FHIT: variants seen among roughly 807,000 people sequenced by gnomAD.
The protein encoded by FHIT is fragile histidine triad diadenosine triphosphatase, also known as bis(5'-adenosyl)-triphosphatase.
In FHIT, 19 loss-of-function variants were observed where a neutral mutation model predicts 17.9. That is an observed-to-expected ratio of 1.06 (90% CI 0.74 to 1.56). The LOEUF (loss-of-function observed/expected upper bound fraction) is 1.56, where lower values mean the gene tolerates loss of function less well. Among genes scored for constraint, FHIT ranks in the 40% most tolerant of loss-of-function variants. FHIT has a pLI of 0.00. For synonymous variants in FHIT, 81 were observed against 69.7 expected, an observed-to-expected ratio of 1.16 and a Z score of -0.81; for missense variants, 248 against 189.2, an observed-to-expected ratio of 1.31 and a Z score of -1.82.
intron 3 of FHIT, among the ~76,000 whole-genome samples, chr3:61,025,738 A>G (rs551880632): frequency 6.6e-6 from 1 of 152,138 alleles, no homozygotes; most frequent in African/African-American, 2.4e-5. Flanking sequence ...CTGTTTGTTA[A>G]TATATCTGGT....
At chr3:60,370,290 G>C (rs909808723) in intron 5 of FHIT, among the ~76,000 whole-genome samples, 1 of 152,162 alleles carries the variant, frequency 6.6e-6, no homozygotes, top group African/African-American at 2.4e-5. Context: ...AAGTGTAAGA[G>C]CTGACATAAA....
At chr3:59,917,754 A>G (rs563980509) in intron 8 of FHIT, among the ~76,000 whole-genome samples, 46 of 152,356 alleles carry the variant, frequency 3.0e-4, no homozygotes, top group African/African-American at 1.1e-3. Flanking sequence ...TGTCTAAGAC[A>G]TACTGCTGGA....
intron 1 of FHIT, among the ~76,000 whole-genome samples, chr3:61,231,627 A>T (rs2040104543): frequency 6.6e-6 from 1 of 152,218 alleles, no homozygotes; most frequent in Non-Finnish European, 1.5e-5. Context: ...GTTACTATGA[A>T]CCATTTGTTT....
At chr3:60,758,133 C>G (rs1238709200) in intron 4 of FHIT, among the ~76,000 whole-genome samples, 2 of 152,184 alleles carry the variant, frequency 1.3e-5, no homozygotes, top group Admixed American at 1.3e-4. Flanking sequence ...TTGGTTGTAT[C>G]CCACCACCCA....
chr3:61,171,548 T>C (rs527848553), intron 2 of FHIT, among the ~76,000 whole-genome samples: 2 of 152,152 alleles, frequency 1.3e-5, no homozygotes, highest in Non-Finnish European at 2.9e-5. Flanking sequence ...TAAAATACAC[T>C]AAAACAGAAA....
At position 60,730,522 on chromosome 3, in the gene FHIT, T is replaced by C. The variant is rs374279155; in HGVS notation, c.-18+91397A>G. The C allele has an allele frequency of 2.7e-4, 50 of 185,016 alleles. 1 individual carries two copies. The South Asian group carries it at 6.2e-3, about 23-fold the overall frequency. The allele number at this position is 185,016 out of a possible 1,614,324, so 11.5% of individuals were successfully genotyped here. On this transcript the variant is annotated intron_variant, in intron 4 of 9. Coordinates refer to ENST00000492590, the MANE Select transcript of FHIT (RefSeq NM_002012.4). ...GCCACCTTCGAAGATGAGGCCCATC[T>C]TGGTGCCTGAGGTGACTCACTTAAG...
intron 3 of FHIT, among the ~76,000 whole-genome samples, chr3:60,875,076 C>T (rs1466194482): frequency 2.6e-5 from 4 of 152,154 alleles, no homozygotes; most frequent in Non-Finnish European, 5.9e-5. Flanking sequence ...CTTACCTGGG[C>T]TTCAACCTGG....
At chr3:60,652,254 C>T (rs2040007750) in intron 4 of FHIT, among the ~76,000 whole-genome samples, 2 of 152,166 alleles carry the variant, frequency 1.3e-5, no homozygotes, top group African/African-American at 4.8e-5. Context: ...CAAGCACCAG[C>T]TTCAAGGCAA....
intron 8 of FHIT, among the ~76,000 whole-genome samples, chr3:59,875,938 T>TAAAA (rs200571248): frequency 7.7e-6 from 1 of 129,306 alleles, no homozygotes; most frequent in Non-Finnish European, 1.6e-5. Flanking sequence ...GTCTGTTTGA[T>TAAAA]AAAAAAAGAA....
At chr3:59,787,334 A>T (rs1485734) in intron 8 of FHIT, among the ~76,000 whole-genome samples, 50,449 of 152,034 alleles carry the variant, frequency 0.33, 8,855 homozygotes, top group Middle Eastern at 0.48. Context: ...TTAAACTTTC[A>T]TTATCTGTGG....
chr3:60,247,415 G>A (rs1705457087), intron 5 of FHIT, among the ~76,000 whole-genome samples: 1 of 149,080 alleles, frequency 6.7e-6, no homozygotes, highest in African/African-American at 2.4e-5. Context: ...GAAAGAAGAA[G>A]GAAGAAGATG....
At chr3:60,133,922 A>T (rs190826064) in intron 5 of FHIT, among the ~76,000 whole-genome samples, 82 of 151,880 alleles carry the variant, frequency 5.4e-4, no homozygotes, top group Admixed American at 2.4e-3. Flanking sequence ...AGAGCTTGTC[A>T]TTCAATCTAA....
At chr3:60,265,915 A>T (rs938779373) in intron 5 of FHIT, among the ~76,000 whole-genome samples, 3 of 151,966 alleles carry the variant, frequency 2.0e-5, no homozygotes, top group Non-Finnish European at 2.9e-5. Context: ...AACTAAAAAA[A>T]AATTAATAAT....
chr3:60,642,152 C>A (rs901575079), intron 4 of FHIT, among the ~76,000 whole-genome samples: 2 of 151,596 alleles, frequency 1.3e-5, no homozygotes, highest in African/African-American at 4.9e-5. Context: ...TCCCATTGAC[C>A]AAGCCCAAAC....
At chr3:60,205,093 C>CAA (rs201539340) in intron 5 of FHIT, among the ~76,000 whole-genome samples, 12 of 105,196 alleles carry the variant, frequency 1.1e-4, no homozygotes, top group African/African-American at 1.4e-4. Context: ...GACCCTGCCT[C>CAA]AAAAAAAAAA....
At chr3:61,056,252 T>C (rs772066808) in intron 2 of FHIT, among the ~76,000 whole-genome samples, 1 of 152,140 alleles carries the variant, frequency 6.6e-6, no homozygotes, top group Non-Finnish European at 1.5e-5. Flanking sequence ...CAAGACACCA[T>C]GCTCCACAAA....
chr3:60,467,962 A>G (rs1388528261), intron 5 of FHIT, among the ~76,000 whole-genome samples: 1 of 152,084 alleles, frequency 6.6e-6, no homozygotes, highest in East Asian at 1.9e-4. Flanking sequence ...TACATAACAT[A>G]TATGAGTGCT....
chr3:60,075,183 G>C (rs1702949936), intron 5 of FHIT, among the ~76,000 whole-genome samples: 2 of 152,026 alleles, frequency 1.3e-5, no homozygotes, highest in African/African-American at 4.8e-5. Flanking sequence ...AGAGCTGCTG[G>C]GTCATCTTTA....
chr3:59,906,748 T>C (rs1167142965), intron 8 of FHIT, among the ~76,000 whole-genome samples: 1 of 152,262 alleles, frequency 6.6e-6, no homozygotes. Flanking sequence ...ATGATGCTAT[T>C]GTTGTCACTT....
Sources: gnomAD v4.1 joint callset for allele counts (sites outside exome capture counted in the v4.1 genomes callset) on GRCh38, gnomAD v4.1.1 for gene constraint, MANE v1.5 for transcripts, NCBI Gene and HGNC (gene_info 2026-07-23, HGNC 2026-07-21) for gene names.